Variants in FAT3 observed in about 807,000 individuals in gnomAD.
The protein encoded by FAT3 is FAT atypical cadherin 3.
In FAT3, 95 loss-of-function variants were observed where a neutral mutation model predicts 310.2. That is an observed-to-expected ratio of 0.31 (90% CI 0.26 to 0.36). The LOEUF (loss-of-function observed/expected upper bound fraction) is 0.36. FAT3 is among the 10% of genes least tolerant of loss of function. The pLI, the probability that FAT3 is intolerant of heterozygous loss-of-function variation, is 1.00. For synonymous variants in FAT3, 2,314 were observed against 2,192.9 expected (o/e 1.06, Z -1.54); for missense variants, 5,408 against 5,715.6 (o/e 0.95, Z 1.74).
intron 3 of FAT3, among the ~76,000 whole-genome samples, chr11:92,639,566 C>T (rs1237397206): frequency 6.6e-6 from 1 of 152,164 alleles, no homozygotes; most frequent in African/African-American, 2.4e-5. Flanking sequence ...GCCCACTTTG[C>T]TGGGAACCAT....
chr11:92,338,060 T>C (rs954441180), intron 1 of FAT3, among the ~76,000 whole-genome samples: 21 of 152,166 alleles, frequency 1.4e-4, no homozygotes, highest in African/African-American at 5.1e-4. Flanking sequence ...TTGGGTGGAA[T>C]AGTTTGGTAA....
intron 21 of FAT3, among the ~76,000 whole-genome samples, chr11:92,862,464 A>T (rs1949142590): frequency 6.6e-6 from 1 of 152,162 alleles, no homozygotes; most frequent in Non-Finnish European, 1.5e-5. Context: ...GCACAAGGAG[A>T]ATATGGTTGT....
At position 92,617,897 on chromosome 11, in the gene FAT3, G is replaced by C. The variant is rs541172374; in HGVS notation, c.3608-79487G>C. Among the ~76,000 whole-genome samples the C allele has an allele frequency of 1.7e-4, 26 of 152,288 alleles. 1 individual carries two copies. In the East Asian group the frequency reaches 3.5e-3, roughly 20 times the overall value. ...TATGAGGTGTCAGTCAGCCCCTACT[G>C]GGGGGTGTCTCCCAGTTAGGCTACT... is the stretch of plus-strand genomic sequence containing the variant. On this transcript the variant is annotated intron_variant, in intron 3 of 27. Coordinates refer to ENST00000525166, the MANE Select transcript of FAT3 (RefSeq NM_001367949.2).
intron 1 of FAT3, among the ~76,000 whole-genome samples, chr11:92,283,578 G>A (rs1174152619): frequency 2.0e-5 from 3 of 152,120 alleles, no homozygotes; most frequent in Admixed American, 2.0e-4. Context: ...TACAGTTAAT[G>A]ATGACCTGTT....
At chr11:92,291,971 A>G (rs1188329951) in intron 1 of FAT3, among the ~76,000 whole-genome samples, 2 of 152,144 alleles carry the variant, frequency 1.3e-5, no homozygotes, top group Non-Finnish European at 2.9e-5. Flanking sequence ...TAGCAATATC[A>G]TGGTTTTTTT....
At chr11:92,768,879 A>C (rs2136104765) in intron 6 of FAT3, among the ~76,000 whole-genome samples, 1 of 152,314 alleles carries the variant, frequency 6.6e-6, no homozygotes, top group East Asian at 1.9e-4. Flanking sequence ...AGACACCTAA[A>C]GAGACACTGA....
At chr11:92,628,663 G>A (rs889924806) in intron 3 of FAT3, among the ~76,000 whole-genome samples, 6 of 152,254 alleles carry the variant, frequency 3.9e-5, no homozygotes, top group East Asian at 3.9e-4. Context: ...TCCAAAAGGC[G>A]GTGTTTCCAT....
At chr11:92,274,031 A>G (rs1421309297) in intron 1 of FAT3, among the ~76,000 whole-genome samples, 1 of 152,150 alleles carries the variant, frequency 6.6e-6, no homozygotes, top group Non-Finnish European at 1.5e-5. Context: ...CAAAAATTTA[A>G]TGAAAATTAT....
chr11:92,506,886 G>A (rs1417142822), intron 2 of FAT3, among the ~76,000 whole-genome samples: 1 of 152,162 alleles, frequency 6.6e-6, no homozygotes, highest in Non-Finnish European at 1.5e-5. Flanking sequence ...TAGTCTATCT[G>A]CAACATAAAG....
intron 3 of FAT3, among the ~76,000 whole-genome samples, chr11:92,690,937 T>G (rs1251340433): frequency 1.3e-5 from 2 of 152,202 alleles, no homozygotes; most frequent in African/African-American, 4.8e-5. Flanking sequence ...TTAACTGATA[T>G]TTTTACTTTC....
Position 92,809,919 on chromosome 11 carries a change from G to A in FAT3, c.9324G>A (p.Gly3108=). 1.2e-6 allele frequency: 2 copies of A among 1,613,890 alleles called. No homozygotes were observed. The highest frequency in any genetic ancestry group is 1.1e-5 in the South Asian group (1 of 91,090). The change falls in exon 13 of 28, where the codon GGG becomes GGA. Residue 3108 remains glycine (G), a synonymous_variant. Coordinates refer to ENST00000525166, the MANE Select transcript of FAT3 (RefSeq NM_001367949.2). The part of the protein sequence containing the change: ...VYSLMAKATD[G]GGRFCQSNIH... ...GCCTGATGGCCAAGGCCACTGACGGGGGTGGCAGGTTCTGCCAGTCCAACA... is the reference window on the plus strand; with the variant it reads ...GCCTGATGGCCAAGGCCACTGACGGAGGTGGCAGGTTCTGCCAGTCCAACA...
At chr11:92,551,445 T>TGTGTGTGTGTG (rs370180754) in intron 3 of FAT3, among the ~76,000 whole-genome samples, 8 of 151,362 alleles carry the variant, frequency 5.3e-5, no homozygotes, top group Non-Finnish European at 8.8e-5. Flanking sequence ...TGTGTGTGTG[T>TGTGTGTGTGTG]TTTCTCATCA....
chr11:92,688,954 TTA>T, intron 3 of FAT3, among the ~76,000 whole-genome samples: 1 of 152,214 alleles, frequency 6.6e-6, no homozygotes, highest in Admixed American at 6.5e-5. Context: ...GCCCAAATAT[TTA>T]GGTGGGAAGG....
intron 2 of FAT3, among the ~76,000 whole-genome samples, chr11:92,434,695 T>A (rs1275245328): frequency 1.3e-5 from 2 of 152,204 alleles, no homozygotes; most frequent in African/African-American, 4.8e-5. Flanking sequence ...TTTCCTCCTC[T>A]GTGGCATGGA....
At chr11:92,830,553 C>T (rs1464539481) in intron 13 of FAT3, among the ~76,000 whole-genome samples, 2 of 152,060 alleles carry the variant, frequency 1.3e-5, no homozygotes, top group African/African-American at 2.4e-5. Flanking sequence ...GACATCTGTA[C>T]ACCAATGACA....
intron 4 of FAT3, among the ~76,000 whole-genome samples, chr11:92,726,689 T>C (rs950049012): frequency 3.3e-5 from 5 of 151,678 alleles, no homozygotes; most frequent in African/African-American, 1.2e-4. Flanking sequence ...TAAAAAATAA[T>C]AGAAAGTGAC....
At chr11:92,581,898 G>A (rs746795873) in intron 3 of FAT3, among the ~76,000 whole-genome samples, 1 of 152,154 alleles carries the variant, frequency 6.6e-6, no homozygotes, top group African/African-American at 2.4e-5. Flanking sequence ...AGAATTTAGG[G>A]TGAGTCCATA....
intron 17 of FAT3, among the ~76,000 whole-genome samples, chr11:92,838,466 G>C (rs981248501): frequency 6.6e-6 from 1 of 151,824 alleles, no homozygotes; most frequent in African/African-American, 2.4e-5. Context: ...TTTATTCCAC[G>C]GGCACAGTGC....
At chr11:92,813,076 T>A (rs1425869247) in intron 13 of FAT3, among the ~76,000 whole-genome samples, 1 of 152,160 alleles carries the variant, frequency 6.6e-6, no homozygotes, top group Non-Finnish European at 1.5e-5. Flanking sequence ...CCTTTGACCT[T>A]CTGCTGTGAT....
Sources: allele counts gnomAD v4.1 joint callset (sites outside exome capture counted in the v4.1 genomes callset), GRCh38; gene constraint gnomAD v4.1.1; transcripts MANE v1.5; gene names NCBI Gene and HGNC (gene_info 2026-07-23, HGNC 2026-07-21).